Variants in SH3GL2 observed in about 807,000 individuals in gnomAD.
SH3GL2 encodes the protein endophilin-A1.
A neutral mutation model predicts 46.0 loss-of-function variants in SH3GL2; 24 were observed. The observed-to-expected ratio is 0.52, with a 90% confidence interval of 0.38 to 0.73. The LOEUF is 0.73. SH3GL2 is among the 30% of genes least tolerant of loss of function. SH3GL2 has a pLI of 0.00. For missense variants in SH3GL2, 413 were observed against 424.2 expected (o/e 0.97, Z 0.23); for synonymous variants, 196 against 147.1 (o/e 1.33, Z -2.40).
chr9:17,697,318 G>A (rs1295071575), intron 1 of SH3GL2, among the ~76,000 whole-genome samples: 1 of 151,914 alleles, frequency 6.6e-6, no homozygotes, highest in African/African-American at 2.4e-5. Context: ...CCGCCTCCCG[G>A]GTTCAAGGGA....
intron 1 of SH3GL2, among the ~76,000 whole-genome samples, chr9:17,687,280 A>T (rs972732060): frequency 6.6e-6 from 1 of 152,102 alleles, no homozygotes; most frequent in African/African-American, 2.4e-5. Context: ...GATTAGCAGA[A>T]TTGGTACAAG....
chr9:17,741,455 A>G (rs1241646641), intron 1 of SH3GL2, among the ~76,000 whole-genome samples: 1 of 152,218 alleles, frequency 6.6e-6, no homozygotes, highest in Non-Finnish European at 1.5e-5. Flanking sequence ...AAATGAAGAT[A>G]GAATTTTCTT....
At chr9:17,713,611 C>G (rs1158761683) in intron 1 of SH3GL2, among the ~76,000 whole-genome samples, 2 of 151,462 alleles carry the variant, frequency 1.3e-5, no homozygotes, top group African/African-American at 4.8e-5. Flanking sequence ...AAAATGCATT[C>G]TAATTTTCTT....
At chr9:17,581,760 G>A (rs969513673) in intron 1 of SH3GL2, among the ~76,000 whole-genome samples, 3 of 152,254 alleles carry the variant, frequency 2.0e-5, no homozygotes, top group African/African-American at 4.8e-5. Flanking sequence ...GTGCAATGGC[G>A]TGATCTCAGC....
At chr9:17,777,635 T>C (rs1159347653) in intron 3 of SH3GL2, among the ~76,000 whole-genome samples, 1 of 148,974 alleles carries the variant, frequency 6.7e-6, no homozygotes, top group Non-Finnish European at 1.5e-5. Context: ...TCCTGGCTGG[T>C]AGTTAGACGC....
Position 17,654,379 on chromosome 9 carries a change from T to C in SH3GL2, c.45+75092T>C, listed in dbSNP as rs371659427. 1.5e-3 allele frequency among the ~76,000 whole-genome samples: 230 copies of C among 152,314 alleles called. 2 individuals are homozygous for C. The highest frequency in any genetic ancestry group is 0.01 in the Middle Eastern group (3 of 294). ...AGGGAAGGGGGATTGTCGTATTGTT[T>C]TGTGTGTTCACTGAAGATTTGTTAA... On this transcript the variant is annotated intron_variant, in intron 1 of 8. Coordinates refer to ENST00000380607, the MANE Select transcript of SH3GL2 (RefSeq NM_003026.5).
At chr9:17,597,071 G>T (rs865802922) in intron 1 of SH3GL2, among the ~76,000 whole-genome samples, 1 of 152,208 alleles carries the variant, frequency 6.6e-6, no homozygotes, top group Non-Finnish European at 1.5e-5. Flanking sequence ...TGTTTCTGGG[G>T]ATAATATTAA....
intron 3 of SH3GL2, among the ~76,000 whole-genome samples, chr9:17,770,071 G>A (rs1396038539): frequency 1.3e-5 from 2 of 152,204 alleles, no homozygotes; most frequent in Non-Finnish European, 2.9e-5. Context: ...TTTCAGGTAA[G>A]TGTCGTGGTC....
chr9:17,589,358 T>G (rs1466562446), intron 1 of SH3GL2: 1 of 152,212 alleles, frequency 6.6e-6, no homozygotes, highest in East Asian at 1.9e-4. Context: ...ATTTTTTATT[T>G]TATAGATTTT....
At chr9:17,627,289 C>T (rs114274000) in intron 1 of SH3GL2, among the ~76,000 whole-genome samples, 2,485 of 152,192 alleles carry the variant, frequency 0.016, 74 homozygotes, top group African/African-American at 0.057. Context: ...GCCCAGAGCC[C>T]ACCTACAGCT....
chr9:17,784,452 C>T (rs1823899257), intron 3 of SH3GL2, among the ~76,000 whole-genome samples: 1 of 152,026 alleles, frequency 6.6e-6, no homozygotes, highest in Admixed American at 6.6e-5. Context: ...TCTGTTTCTC[C>T]TTTCCTTCTA....
intron 1 of SH3GL2, among the ~76,000 whole-genome samples, chr9:17,745,129 TGTA>T: frequency 6.6e-6 from 1 of 152,218 alleles, no homozygotes. Context: ...TCATCTTCAA[TGTA>T]GTAATAATAA....
At chr9:17,737,300 A>G (rs573942529) in intron 1 of SH3GL2, among the ~76,000 whole-genome samples, 6 of 152,146 alleles carry the variant, frequency 3.9e-5, no homozygotes, top group Admixed American at 6.5e-5. Context: ...ATGTATACCT[A>G]TGTAACAAAC....
intron 1 of SH3GL2, among the ~76,000 whole-genome samples, chr9:17,670,242 C>G (rs998483949): frequency 6.6e-6 from 1 of 152,174 alleles, no homozygotes; most frequent in African/African-American, 2.4e-5. Context: ...CTGGCATCCC[C>G]CAGTGCAAGC....
In SH3GL2 at chr9:17,639,646, C is replaced by G. The variant is rs527268797; in HGVS notation, c.45+60359C>G. Among the ~76,000 whole-genome samples, 6 of 152,298 alleles carry G rather than the reference C, an allele frequency of 3.9e-5. No individual in the cohort carries two copies. In the South Asian group the frequency reaches 1.2e-3, roughly 32 times the overall value. The stretch of plus-strand genomic sequence containing the variant: ...ATTGCCGTATAATTCAGCAGTTCAA[C>G]TCCTTGGTGTTAGTCGAAGAGAAAG... On this transcript the variant is annotated intron_variant, in intron 1 of 8. Transcript: ENST00000380607.
intron 1 of SH3GL2, among the ~76,000 whole-genome samples, chr9:17,691,519 A>G (rs188139270): frequency 1.3e-5 from 2 of 152,274 alleles, no homozygotes; most frequent in East Asian, 3.9e-4. Context: ...GTCAGGGTTT[A>G]TAACGTTCTA....
chr9:17,615,658 CAAAAAAAAA>C (rs55926751), intron 1 of SH3GL2, among the ~76,000 whole-genome samples: 3 of 82,638 alleles, frequency 3.6e-5, no homozygotes, highest in African/African-American at 4.9e-5. Context: ...GACTCCGTCT[CAAAAAAAAA>C]AAAAAAAAAA....
At chr9:17,778,286 A>G (rs1278834464) in intron 3 of SH3GL2, among the ~76,000 whole-genome samples, 1 of 152,198 alleles carries the variant, frequency 6.6e-6, no homozygotes, top group African/African-American at 2.4e-5. Context: ...AGCCCTGGGC[A>G]TGTATGAGTG....
In SH3GL2 at chr9:17,697,172, C is replaced by T. The variant is rs562033036; in HGVS notation, c.46-49894C>T. ...TAACAAACATATAGTCTGCTTTCTT[C>T]AGAATTAGTAGCTGGCTTTGCACCT... On this transcript the variant is annotated intron_variant, in intron 1 of 8. Transcript: ENST00000380607. Among the ~76,000 whole-genome samples, 3 of 152,088 alleles carry T rather than the reference C, an allele frequency of 2.0e-5. No individual in the cohort carries two copies. The East Asian group carries it at 5.8e-4, about 29-fold the overall frequency.
Sources: gnomAD v4.1 joint callset for allele counts (sites outside exome capture counted in the v4.1 genomes callset) on GRCh38, gnomAD v4.1.1 for gene constraint, MANE v1.5 for transcripts, NCBI Gene and HGNC (gene_info 2026-07-23, HGNC 2026-07-21) for gene names.